The following MDGA2 variants were observed in gnomAD, a reference collection of about 807,000 sequenced individuals.
MDGA2 encodes MAM domain-containing glycosylphosphatidylinositol anchor protein 2.
In MDGA2, 40 loss-of-function variants were observed where a neutral mutation model predicts 117.8. The observed-to-expected ratio is 0.34, with a 90% CI of 0.26 to 0.44. MDGA2 has a LOEUF of 0.44. Among genes scored for constraint, MDGA2 ranks in the 20% least tolerant of loss-of-function variants. The pLI is 1.00. For synonymous variants in MDGA2, 452 were observed against 439.0 expected, an observed-to-expected ratio of 1.03 and a Z score of -0.37; for missense variants, 1,123 against 1,250.6, an observed-to-expected ratio of 0.90 and a Z score of 1.54.
intron 2 of MDGA2, among the ~76,000 whole-genome samples, chr14:47,247,306 A>ATTATTTTTTTTTTT (rs1887274288): frequency 7.1e-5 from 10 of 140,370 alleles, no homozygotes; most frequent in African/African-American, 2.1e-4. Flanking sequence ...ATAGTTTCAT[A>ATTATTTTTTTTTTT]TTTTTTTTTT....
intron 2 of MDGA2, among the ~76,000 whole-genome samples, chr14:47,300,913 A>G (rs140986648): frequency 1.4e-4 from 22 of 152,298 alleles, no homozygotes; most frequent in South Asian, 2.1e-4. Flanking sequence ...GAGTGCATAC[A>G]GTATCTGCAA....
chr14:46,987,443 C>G (rs952678126), intron 8 of MDGA2, among the ~76,000 whole-genome samples: 2 of 152,110 alleles, frequency 1.3e-5, no homozygotes, highest in African/African-American at 4.8e-5. Context: ...TACTCTTTAT[C>G]AGAAACCACG....
At chr14:47,541,159 T>A (rs1895345116) in intron 1 of MDGA2, among the ~76,000 whole-genome samples, 1 of 151,874 alleles carries the variant, frequency 6.6e-6, no homozygotes, top group African/African-American at 2.4e-5. Context: ...CTGAAAAGAG[T>A]AATTATTTAT....
intron 3 of MDGA2, among the ~76,000 whole-genome samples, chr14:47,204,587 C>A (rs1008283966): frequency 6.6e-6 from 1 of 151,862 alleles, no homozygotes; most frequent in African/African-American, 2.4e-5. Flanking sequence ...TAATTCCCAT[C>A]GGTTGCAACA....
At chr14:47,404,032 C>T (rs1040974581) in intron 1 of MDGA2, among the ~76,000 whole-genome samples, 2 of 152,094 alleles carry the variant, frequency 1.3e-5, no homozygotes, top group African/African-American at 4.8e-5. Flanking sequence ...TTCCCTGTTT[C>T]TTTGGGTCTT....
intron 1 of MDGA2, among the ~76,000 whole-genome samples, chr14:47,349,371 A>C (rs1890829183): frequency 6.6e-6 from 1 of 152,248 alleles, no homozygotes; most frequent in Admixed American, 6.5e-5. Context: ...CATATAATAA[A>C]TACTCAACAA....
intron 1 of MDGA2, among the ~76,000 whole-genome samples, chr14:47,629,821 T>G (rs1302232729): frequency 2.0e-5 from 3 of 152,126 alleles, no homozygotes; most frequent in Admixed American, 6.6e-5. Flanking sequence ...AGAAAAGGCT[T>G]CCCTTGAGGC....
intron 5 of MDGA2, among the ~76,000 whole-genome samples, chr14:47,108,619 C>G (rs1880866018): frequency 6.6e-6 from 1 of 152,154 alleles, no homozygotes. Context: ...TTTCCTTTAC[C>G]TACCCAAATC....
chr14:46,844,078 A>G (rs1462199548), intron 16 of MDGA2, among the ~76,000 whole-genome samples: 3 of 152,180 alleles, frequency 2.0e-5, no homozygotes, highest in African/African-American at 7.2e-5. Context: ...TGTTTTATTT[A>G]TATCTCTTCT....
At chr14:47,285,662 G>A (rs1888646536) in intron 2 of MDGA2, among the ~76,000 whole-genome samples, 3 of 152,028 alleles carry the variant, frequency 2.0e-5, no homozygotes, top group African/African-American at 7.2e-5. Context: ...AGTAAAATAA[G>A]AAGACAAATT....
At chr14:47,001,235 A>G (rs958665345) in intron 8 of MDGA2, among the ~76,000 whole-genome samples, 6 of 152,102 alleles carry the variant, frequency 3.9e-5, no homozygotes, top group Non-Finnish European at 8.8e-5. Flanking sequence ...ACAAATATAG[A>G]CAAGAAATCC....
intron 1 of MDGA2, among the ~76,000 whole-genome samples, chr14:47,305,060 A>T (rs1889399386): frequency 6.6e-6 from 1 of 152,140 alleles, no homozygotes; most frequent in Admixed American, 6.5e-5. Flanking sequence ...CATCATCCCC[A>T]TATCACATAA....
chr14:46,904,169 G>A (rs1334702171), intron 10 of MDGA2, among the ~76,000 whole-genome samples: 1 of 151,894 alleles, frequency 6.6e-6, no homozygotes, highest in Admixed American at 6.6e-5. Context: ...TTCAAGACCA[G>A]CCTGGCCAAC....
chr14:47,134,963 T>G (rs146085152), intron 4 of MDGA2, among the ~76,000 whole-genome samples: 4 of 152,148 alleles, frequency 2.6e-5, no homozygotes, highest in African/African-American at 7.2e-5. Context: ...GTCTCTTTAC[T>G]CACATAGAGT....
intron 2 of MDGA2, among the ~76,000 whole-genome samples, chr14:47,252,284 GAAAT>G (rs1887473372): frequency 2.0e-5 from 3 of 151,890 alleles, no homozygotes. Context: ...TAATAAATAA[GAAAT>G]AAATTACTAA....
At chr14:47,147,020 G>A (rs1882969399) in intron 3 of MDGA2, among the ~76,000 whole-genome samples, 1 of 151,916 alleles carries the variant, frequency 6.6e-6, no homozygotes, top group Admixed American at 6.6e-5. Flanking sequence ...AGTGTTTTTT[G>A]CATTTCAGAT....
In MDGA2 at chr14:47,613,314, A is replaced by G. The variant is rs186868694; in HGVS notation, c.280+61203T>C. On this transcript the variant is annotated intron_variant, in intron 1 of 16. Transcript: ENST00000399232. ...AACATATCCTATTCAAATGAATTCTACATCTGAACACATTAGCAAAGTTTT... is the reference window on the plus strand; with the variant it reads ...AACATATCCTATTCAAATGAATTCTGCATCTGAACACATTAGCAAAGTTTT... Among the ~76,000 whole-genome samples, 12 of 152,284 alleles carry G rather than the reference A, an allele frequency of 7.9e-5. No individual in the cohort carries two copies. In the East Asian group the frequency reaches 1.9e-3, roughly 25 times the overall value.
chr14:47,343,396 C>T (rs1890691380), intron 1 of MDGA2: 3 of 329,440 alleles, frequency 9.1e-6, no homozygotes, highest in Admixed American at 6.5e-5. Context: ...TTGAACCAAA[C>T]ATAAATATAT....
chr14:47,631,159 T>C (rs1230125547), intron 1 of MDGA2, among the ~76,000 whole-genome samples: 1 of 152,308 alleles, frequency 6.6e-6, no homozygotes, highest in African/African-American at 2.4e-5. Context: ...TTGTCTGATA[T>C]TTGGTTTTCA....
Sources: gnomAD v4.1 joint callset for allele counts (sites outside exome capture counted in the v4.1 genomes callset) on GRCh38, gnomAD v4.1.1 for gene constraint, MANE v1.5 for transcripts, NCBI Gene and HGNC (gene_info 2026-07-23, HGNC 2026-07-21) for gene names.